TENM3: variants seen among roughly 807,000 people sequenced by gnomAD.
The protein encoded by TENM3 is teneurin-3.
TENM3 carries 63 observed loss-of-function variants against 255.1 expected under a neutral mutation model. The ratio of observed to expected loss-of-function variants is 0.25; its 90% CI spans 0.20 to 0.30. The LOEUF is 0.30. Ranked by LOEUF, TENM3 falls within the 10% of genes least tolerant of loss-of-function variation. The probability of loss-of-function intolerance (pLI) is 1.00; values close to 1 mark genes in which losing one functional copy is unlikely to be tolerated. For missense variants in TENM3, 2,929 were observed against 3,461.1 expected (o/e 0.85, Z 3.86); for synonymous variants, 1,306 against 1,322.3 (o/e 0.99, Z 0.27).
At chr4:182,680,830 C>T (rs936847151) in intron 10 of TENM3, 93 bp downstream of exon 10, 58 of 1,003,294 alleles carry the variant, frequency 5.8e-5, no homozygotes, top group African/African-American at 5.1e-4. Context: ...CTCTTTTATA[C>T]GCTTCCTTTT....
At position 182,628,681 on chromosome 4, in the gene TENM3, A is replaced by C. The variant is rs1385715625; in HGVS notation, c.780A>C (p.Thr260=). The change falls in exon 5 of 28, where the codon ACA becomes ACC. Residue 260 remains threonine, a synonymous_variant. Coordinates refer to ENST00000511685, the MANE Select transcript of TENM3 (RefSeq NM_001080477.4). ...RHFLFKTGTG[T]TPLFSTATPG... ...TCCTATTCAAAACAGGAACAGGTAC[A>C]ACGCCACTGTTCAGTACTGCAACCC... 1 of 1,600,296 alleles carries C rather than the reference A, an allele frequency of 6.2e-7. No homozygotes were observed.
chr4:181,900,360 G>T, the TENM3 span, among the ~76,000 whole-genome samples: 1 of 152,116 alleles, frequency 6.6e-6, no homozygotes, highest in African/African-American at 2.4e-5. Flanking sequence ...AAAACTTAAA[G>T]GAAAGTAAAT....
chr4:182,800,218 G>A lies in TENM3; in HGVS notation c.7967G>A (p.Arg2656Gln). 6.3e-7 allele frequency: 1 copy of A among 1,591,668 alleles called. No homozygotes were observed. The highest frequency in any genetic ancestry group is 1.1e-5 in the South Asian group (1 of 90,150). The change falls in exon 28 of 28, where the codon CGG becomes CAG. Residue 2656 changes from arginine to glutamine, a missense_variant. Around this residue, in one of 6 missense-constraint regions of TENM3, gnomAD observed 476 missense variants for 480.1 expected, o/e 0.99. Coordinates refer to ENST00000511685, the MANE Select transcript of TENM3 (RefSeq NM_001080477.4). ...GARLWTEGEK[R>Q]QLLSAGKVQG... ...CGCCTCTGGACGGAGGGCGAGAAGC[G>A]GCAGCTGCTGAGCGCCGGCAAGGTG...
intron 3 of TENM3, among the ~76,000 whole-genome samples, chr4:182,381,433 G>A (rs983666766): frequency 2.0e-5 from 3 of 152,124 alleles, no homozygotes; most frequent in African/African-American, 7.2e-5. Context: ...AAAAAATAAT[G>A]ATTTTGGAGA....
At chr4:182,228,125 A>T (rs1040489341) in intron 1 of TENM3, among the ~76,000 whole-genome samples, 12 of 152,052 alleles carry the variant, frequency 7.9e-5, no homozygotes, top group Admixed American at 4.6e-4. Context: ...ACAAAGTAGC[A>T]CATATATAGG....
chr4:182,638,086 G>A (rs1171064832), intron 5 of TENM3, among the ~76,000 whole-genome samples: 1 of 150,654 alleles, frequency 6.6e-6, no homozygotes, highest in South Asian at 2.1e-4. Flanking sequence ...AGAGCCCAGT[G>A]TTCCAGTTAA....
the TENM3 span, among the ~76,000 whole-genome samples, chr4:181,573,444 T>A: frequency 2.6e-5 from 4 of 152,100 alleles, no homozygotes; most frequent in Non-Finnish European, 4.4e-5. Flanking sequence ...ATATGAATCT[T>A]GATGTTAATG....
the TENM3 span, among the ~76,000 whole-genome samples, chr4:182,126,171 C>T: frequency 9.2e-5 from 14 of 152,138 alleles, no homozygotes; most frequent in Non-Finnish European, 1.3e-4. Context: ...GTGGCATTTT[C>T]TGACCACTCG....
chr4:181,897,076 G>A, the TENM3 span, among the ~76,000 whole-genome samples: 7 of 152,220 alleles, frequency 4.6e-5, no homozygotes, highest in East Asian at 9.7e-4. Context: ...GAAAAGGCTC[G>A]ATTCCTCCAT....
At chr4:181,483,862 A>G in the TENM3 span, among the ~76,000 whole-genome samples, 1 of 152,130 alleles carries the variant, frequency 6.6e-6, no homozygotes, top group Admixed American at 6.6e-5. Context: ...TCTCCAACAG[A>G]TGATTGGTAG....
At chr4:182,383,736 A>G (rs1767722730) in intron 3 of TENM3, among the ~76,000 whole-genome samples, 1 of 152,102 alleles carries the variant, frequency 6.6e-6, no homozygotes, top group South Asian at 2.1e-4. Context: ...GATGCATCAC[A>G]TTACCCAATT....
chr4:182,161,415 C>CAA lies in TENM3; in HGVS notation c.-76+16682_-76+16683dup, dbSNP rs70954290. On this transcript the variant is annotated intron_variant, in intron 1 of 2. Coordinates refer to the TENM3 transcript ENST00000512480. ...TGGGCGACAGAGCGAGACTCCGTCT[C>CAA]AAAAAAAAAAAAAAAAAAAAAATTA... Among the ~76,000 whole-genome samples the CAA allele has an allele frequency of 8.0e-3, 352 of 43,802 alleles. 8 individuals carry two copies. The highest frequency in any genetic ancestry group is 0.032 in the African/African-American group (312 of 9,712). 28.7% of individuals were successfully genotyped at this position (43,802 alleles called of 152,430 possible).
chr4:181,456,209 G>GTA, the TENM3 span, among the ~76,000 whole-genome samples: 105 of 150,826 alleles, frequency 7.0e-4, no homozygotes, highest in African/African-American at 2.2e-3. Context: ...ATATATATGT[G>GTA]TATATATATA....
intron 3 of TENM3, among the ~76,000 whole-genome samples, chr4:182,390,362 T>G (rs912751931): frequency 6.6e-6 from 1 of 152,174 alleles, no homozygotes; most frequent in Non-Finnish European, 1.5e-5. Flanking sequence ...ATATGAAGAA[T>G]TTAGCAGAAT....
At chr4:181,748,513 T>C in the TENM3 span, among the ~76,000 whole-genome samples, 4 of 152,120 alleles carry the variant, frequency 2.6e-5, no homozygotes, top group African/African-American at 9.7e-5. Flanking sequence ...TGTTTCTGTA[T>C]CGAAATTACT....
At chr4:182,586,083 C>G (rs1745995631) in intron 3 of TENM3, among the ~76,000 whole-genome samples, 1 of 152,156 alleles carries the variant, frequency 6.6e-6, no homozygotes, top group African/African-American at 2.4e-5. Context: ...GCAAGACCCC[C>G]ACCTCTACAA....
At chr4:181,920,081 G>C in the TENM3 span, among the ~76,000 whole-genome samples, 1 of 151,726 alleles carries the variant, frequency 6.6e-6, no homozygotes, top group Non-Finnish European at 1.5e-5. Flanking sequence ...TTTTATGGCT[G>C]CATAGTATTC....
At chr4:181,787,192 C>T in the TENM3 span, among the ~76,000 whole-genome samples, 3 of 152,122 alleles carry the variant, frequency 2.0e-5, no homozygotes, top group Admixed American at 6.6e-5. Flanking sequence ...CACAATAAGA[C>T]GAGCATCAAT....
At chr4:181,820,826 C>G in the TENM3 span, among the ~76,000 whole-genome samples, 1 of 152,126 alleles carries the variant, frequency 6.6e-6, no homozygotes, top group Admixed American at 6.6e-5. Context: ...TTCAGAGGCT[C>G]ATGTTTTTCC....
Sources: allele counts gnomAD v4.1 joint callset (sites outside exome capture counted in the v4.1 genomes callset), GRCh38; gene constraint gnomAD v4.1.1; regional missense constraint gnomAD v4.1.1; transcripts MANE v1.5; gene names NCBI Gene and HGNC (gene_info 2026-07-23, HGNC 2026-07-21).